MYO5C: variants seen among roughly 807,000 people sequenced by gnomAD.
MYO5C encodes unconventional myosin-Vc.
Under a neutral mutation model 235.7 loss-of-function variants are expected in MYO5C, and 194 were observed. The observed-to-expected ratio is 0.82, with a 90% CI of 0.73 to 0.93. The LOEUF is 0.93. MYO5C is among the 40% of genes least tolerant of loss of function. The pLI is 0.00. For synonymous variants in MYO5C, 707 were observed against 754.8 expected (o/e 0.94, Z 1.04); for missense variants, 2,038 against 2,127.2 (o/e 0.96, Z 0.82).
At chr15:52,198,556 T>A (rs2035107949) in intron 38 of MYO5C, among the ~76,000 whole-genome samples, 1 of 151,940 alleles carries the variant, frequency 6.6e-6, no homozygotes, top group Non-Finnish European at 1.5e-5. Flanking sequence ...TGCTTAGTTT[T>A]TGTTGTTGTT....
chr15:52,239,977 A>G, intron 20 of MYO5C, 98 bp from the exon 21 acceptor site: 1 of 1,310,290 alleles, frequency 7.6e-7, no homozygotes, highest in Non-Finnish European at 1.0e-6. Context: ...GGTGTAGAAA[A>G]TGAGTTTCTT....
intron 2 of MYO5C, among the ~76,000 whole-genome samples, chr15:52,280,196 C>T (rs569480079): frequency 6.6e-6 from 1 of 152,286 alleles, no homozygotes; most frequent in South Asian, 2.1e-4. Context: ...GTGACAGATA[C>T]CTAAAGGAGT....
In MYO5C at chr15:52,192,631, C is replaced by T. The variant is rs929140432; in HGVS notation, c.*1271G>A. 19 of 152,254 alleles carry T rather than the reference C, an allele frequency of 1.2e-4. No individual in the cohort carries two copies. The highest frequency in any genetic ancestry group is 2.2e-4 in the Non-Finnish European group (15 of 68,020). 9.4% of individuals were successfully genotyped at this position (152,254 alleles called of 1,614,324 possible). Reference sequence around the variant, plus strand: ...AGTGCTTATCAAATGAGGTTTTAGGCTCTGAAAGGAAGGAATGAGAAGGTG... The same window carrying T: ...AGTGCTTATCAAATGAGGTTTTAGGTTCTGAAAGGAAGGAATGAGAAGGTG... On this transcript the variant is annotated 3_prime_UTR_variant, in exon 41 of 41. Transcript: ENST00000261839.
Position 52,235,658 on chromosome 15 carries a change from C to T in MYO5C, c.2962+12G>A. The T allele has an allele frequency of 6.3e-7, 1 of 1,598,408 alleles. No individual in the cohort carries two copies. Among genetic ancestry groups the T allele is most frequent in the African/African-American group, 1.3e-5 (1 of 74,582 alleles). ...TCAGTGAATGTCTGGATTTGTGCCC[C>T]CCAAGCTTTACCTTTTAACTCTTCA... is the stretch of plus-strand genomic sequence containing the variant. On this transcript the variant is annotated intron_variant, in intron 23 of 40. Transcript: ENST00000261839.
At chr15:52,277,266 C>T (rs991218377) in intron 4 of MYO5C, 1 of 521,298 alleles carries the variant, frequency 1.9e-6, no homozygotes, top group Non-Finnish European at 3.9e-6. Context: ...GTTACACAGA[C>T]AGACCTCCAA....
intron 21 of MYO5C, 111 bp downstream of exon 21, chr15:52,239,622 G>C: frequency 8.4e-7 from 1 of 1,190,588 alleles, no homozygotes; most frequent in Non-Finnish European, 1.2e-6. Flanking sequence ...CACGTAAACT[G>C]AACCTCCTAA....
intron 37 of MYO5C, 27 bp downstream of exon 37, chr15:52,205,789 T>C: frequency 7.2e-7 from 1 of 1,382,976 alleles, no homozygotes; most frequent in Non-Finnish European, 9.9e-7. Flanking sequence ...ACTATAAATA[T>C]TTTTTGGTCA....
chr15:52,270,014 G>A (rs1008858020), intron 7 of MYO5C, among the ~76,000 whole-genome samples, 154 bp from the exon 8 acceptor site: 1 of 152,198 alleles, frequency 6.6e-6, no homozygotes, highest in Admixed American at 6.5e-5. Flanking sequence ...TTACAGCCAG[G>A]TGTGGAGGCT....
chr15:52,269,418 A>C (rs1306725387), intron 8 of MYO5C, among the ~76,000 whole-genome samples: 1 of 107,650 alleles, frequency 9.3e-6, no homozygotes, highest in African/African-American at 3.5e-5. Flanking sequence ...TTTAAGAGAG[A>C]GTCTTGATCT....
Position 52,196,394 on chromosome 15 carries a change from GCCTGAGAGAGGGGCTCCAAAGTTT to G in MYO5C, c.4886_4909del (p.Glu1629_Gln1636del). Reference sequence around the variant, plus strand: ...CTTCTTGACCTGAAGCAACCAGGCTGCCTGAGAGAGGGGCTCCAAAGTTTCCTTTGCTAAGCTGTTCTGCAAGTT... The same window carrying G: ...CTTCTTGACCTGAAGCAACCAGGCTGCCTTTGCTAAGCTGTTCTGCAAGTT... On this transcript the variant is annotated inframe_deletion, in exon 39 of 41. Transcript: ENST00000261839. 1.2e-6 allele frequency: 2 copies of G among 1,614,192 alleles called. No homozygotes were observed. Among genetic ancestry groups the G allele is most frequent in the Non-Finnish European group, 1.7e-6 (2 of 1,180,034 alleles).
At chr15:52,295,398 A>G (rs537171627) in intron 1 of MYO5C, among the ~76,000 whole-genome samples, 26 of 152,224 alleles carry the variant, frequency 1.7e-4, no homozygotes, top group Admixed American at 3.3e-4. Flanking sequence ...GCAGGGACGG[A>G]GCACGCCGGG....
chr15:52,286,184 T>C (rs1382169490), intron 1 of MYO5C, among the ~76,000 whole-genome samples: 9 of 140,270 alleles, frequency 6.4e-5, no homozygotes, highest in Non-Finnish European at 1.4e-4. Context: ...AGGAGAAGAG[T>C]GTCTCCGCCC....
chr15:52,246,378 T>TAA (rs1007136965), intron 16 of MYO5C, among the ~76,000 whole-genome samples: 1 of 152,168 alleles, frequency 6.6e-6, no homozygotes, highest in African/African-American at 2.4e-5. Context: ...TTGAATTTCC[T>TAA]CTACAGAACA....
chr15:52,284,337 A>G (rs1437810926), intron 1 of MYO5C, among the ~76,000 whole-genome samples: 1 of 152,222 alleles, frequency 6.6e-6, no homozygotes, highest in Non-Finnish European at 1.5e-5. Context: ...GAAGCCTTAC[A>G]CAAATGAGTA....
At chr15:52,261,230 G>A (rs1293168499) in intron 9 of MYO5C, 103 bp from the exon 10 acceptor site, 1 of 1,366,144 alleles carries the variant, frequency 7.3e-7, no homozygotes, top group East Asian at 2.4e-5. Context: ...CTGTGCAAGA[G>A]CTGAGTAGTA....
At chr15:52,245,264 C>G in intron 18 of MYO5C, 90 bp downstream of exon 18, 6 of 914,376 alleles carry the variant, frequency 6.6e-6, no homozygotes, top group Non-Finnish European at 9.2e-6. Flanking sequence ...TGATTACAGT[C>G]CTGAGCATTC....
At chr15:52,246,457 T>C (rs1035512845) in intron 16 of MYO5C, among the ~76,000 whole-genome samples, 5 of 152,168 alleles carry the variant, frequency 3.3e-5, no homozygotes, top group South Asian at 2.1e-4. Flanking sequence ...ACCACCTCCA[T>C]AGACAGCTCA....
chr15:52,277,896 G>A (rs78359326), intron 4 of MYO5C: 16,630 of 455,980 alleles, frequency 0.036, 701 homozygotes, highest in African/African-American at 0.14. Context: ...CCAGGAATGG[G>A]TGCCCTCTGA....
intron 23 of MYO5C, among the ~76,000 whole-genome samples, chr15:52,233,315 T>TAAAAAAAAAAAAAATA (rs142248037): frequency 3.1e-5 from 1 of 32,678 alleles, no homozygotes; most frequent in Non-Finnish European, 1.9e-4. Context: ...AAAAAAAAAA[T>TAAAAAAAAAAAAAATA]AAATAAATAA....
Sources: gnomAD v4.1 joint callset for allele counts (sites outside exome capture counted in the v4.1 genomes callset) on GRCh38, gnomAD v4.1.1 for gene constraint, MANE v1.5 for transcripts, NCBI Gene and HGNC (gene_info 2026-07-23, HGNC 2026-07-21) for gene names.